Variants in CDK15 observed in about 807,000 individuals in gnomAD.
CDK15 encodes the protein cyclin dependent kinase 15, also known as cyclin-dependent kinase 15.
A neutral mutation model predicts 60.3 loss-of-function variants in CDK15; 62 were observed. The ratio of observed to expected loss-of-function variants is 1.03; its 90% CI spans 0.84 to 1.27. The LOEUF (loss-of-function observed/expected upper bound fraction) is 1.27. CDK15 is among the 50% of genes most tolerant of loss of function. CDK15 has a pLI of 0.00. For synonymous variants in CDK15, 194 were observed against 195.7 expected (o/e 0.99, Z 0.07); for missense variants, 541 against 527.8 (o/e 1.03, Z -0.25).
At chr2:201,876,800 CTTATT>C (rs1378971156) in intron 11 of CDK15, among the ~76,000 whole-genome samples, 2 of 152,164 alleles carry the variant, frequency 1.3e-5, no homozygotes, top group South Asian at 2.1e-4. Flanking sequence ...AAAACCTGTT[CTTATT>C]TTATTTTTTT....
chr2:201,885,764 C>T (rs1160784349), intron 12 of CDK15, among the ~76,000 whole-genome samples: 3 of 152,176 alleles, frequency 2.0e-5, no homozygotes, highest in African/African-American at 7.2e-5. Flanking sequence ...TTATTCCATA[C>T]CTTCATTATA....
Position 201,872,260 on chromosome 2 carries a change from C to A in CDK15, c.1010-18C>A, listed in dbSNP as rs2105817794. ...TCGGGTGGATTTTATTTTTTAACGC[C>A]CTCTGTATGCTTCCCAGAATGGTTC... On this transcript the variant is annotated intron_variant, in intron 10 of 13. Coordinates refer to ENST00000652192, the MANE Select transcript of CDK15 (RefSeq NM_001366386.2). 6.2e-7 allele frequency: 1 copy of A among 1,613,796 alleles called. No individual in the cohort carries two copies. Among genetic ancestry groups the A allele is most frequent in the South Asian group, 1.1e-5 (1 of 91,058 alleles).
chr2:201,864,070 G>A (rs1698511128), intron 10 of CDK15, among the ~76,000 whole-genome samples: 1 of 152,130 alleles, frequency 6.6e-6, no homozygotes, highest in Non-Finnish European at 1.5e-5. Context: ...TGAATGCTAG[G>A]TACTAGGGAC....
Position 201,833,804 on chromosome 2 carries a change from G to A in CDK15, c.607-44G>A, listed in dbSNP as rs185846952. 253 of 1,586,620 alleles carry A rather than the reference G, an allele frequency of 1.6e-4. No homozygotes were observed. The African/African-American group carries it at 3.0e-3, about 19-fold the overall frequency. On this transcript the variant is annotated intron_variant, in intron 6 of 13. Transcript: ENST00000652192. Reference sequence around the variant, plus strand: ...TTTGATTTAGAGGCGAAATCAGCACGTGGTGGCTCAAATCTCCTTATGGAT... The same window carrying A: ...TTTGATTTAGAGGCGAAATCAGCACATGGTGGCTCAAATCTCCTTATGGAT...
intron 12 of CDK15, among the ~76,000 whole-genome samples, chr2:201,883,207 A>G (rs1470776719): frequency 6.6e-6 from 1 of 152,228 alleles, no homozygotes; most frequent in Non-Finnish European, 1.5e-5. Flanking sequence ...TTGCAGGATA[A>G]CAGAGTTGTC....
In CDK15 at chr2:201,866,598, A is replaced by C. The variant is rs115842784; in HGVS notation, c.1010-5680A>C. ...ACTGCAGAGGGATGAGAAGGAGAAA[A>C]ATCAGGTCTAATGATTTACTCTTGT... On this transcript the variant is annotated intron_variant, in intron 10 of 13. Transcript: ENST00000652192. 4.2e-3 allele frequency among the ~76,000 whole-genome samples: 636 copies of C among 152,328 alleles called. 2 individuals are homozygous for C. The highest frequency in any genetic ancestry group is 0.015 in the African/African-American group (608 of 41,568).
At position 201,806,600 on chromosome 2, in the gene CDK15, CA is replaced by C; in HGVS notation, c.-63del. 1 of 1,482,778 alleles carries C rather than the reference CA, an allele frequency of 6.7e-7. No homozygotes were observed. The highest frequency in any genetic ancestry group is 9.0e-7 in the Non-Finnish European group (1 of 1,109,332). 91.9% of individuals were successfully genotyped at this position (1,482,778 alleles called of 1,614,324 possible). A position where few individuals can be genotyped will look rare whatever the true frequency, so the allele number is the denominator to read the frequency against. Reference sequence around the variant, plus strand: ...TGACCTCTGGCAAAAAGGGAGAGAACAAGGATAGGAGAGGCAGTGGGGGAAA... The same window carrying C: ...TGACCTCTGGCAAAAAGGGAGAGAACAGGATAGGAGAGGCAGTGGGGGAAA... On this transcript the variant is annotated 5_prime_UTR_variant, in exon 1 of 14. Transcript: ENST00000652192.
chr2:201,847,329 C>T (rs896667675), intron 8 of CDK15, 52 bp from the exon 9 acceptor site: 77 of 1,505,102 alleles, frequency 5.1e-5, no homozygotes, highest in African/African-American at 2.8e-5. Flanking sequence ...AGTTCAGTTT[C>T]GCTTGTATGA....
intron 3 of CDK15, among the ~76,000 whole-genome samples, chr2:201,811,128 C>T (rs569691112): frequency 8.1e-5 from 12 of 148,890 alleles, no homozygotes; most frequent in African/African-American, 2.5e-4. Context: ...CAGGCATGAG[C>T]CACTGCGCCT....
intron 9 of CDK15, 102 bp downstream of exon 9, chr2:201,847,576 A>G (rs1697726756): frequency 3.3e-6 from 3 of 901,734 alleles, no homozygotes; most frequent in Non-Finnish European, 5.3e-6. Context: ...GCTCTGAGAT[A>G]TTAAGCCCTA....
At chr2:201,873,680 C>T (rs749580718) in intron 11 of CDK15, among the ~76,000 whole-genome samples, 8 of 152,250 alleles carry the variant, frequency 5.3e-5, no homozygotes, top group African/African-American at 1.4e-4. Flanking sequence ...ATGGCCTCTG[C>T]GCCTTCCCTT....
At chr2:201,891,217 G>A (rs2105848479) in intron 13 of CDK15, among the ~76,000 whole-genome samples, 1 of 152,274 alleles carries the variant, frequency 6.6e-6, no homozygotes, top group South Asian at 2.1e-4. Context: ...TGACACAGGT[G>A]GGACGAAGGG....
At chr2:201,848,800 A>C (rs1326927895) in intron 9 of CDK15, among the ~76,000 whole-genome samples, 1 of 152,194 alleles carries the variant, frequency 6.6e-6, no homozygotes, top group Non-Finnish European at 1.5e-5. Flanking sequence ...CTTCTGGCTA[A>C]AATAAAATGT....
chr2:201,884,947 T>C (rs1699405381), intron 12 of CDK15, among the ~76,000 whole-genome samples: 1 of 152,166 alleles, frequency 6.6e-6, no homozygotes, highest in South Asian at 2.1e-4. Context: ...AATAAAGTGC[T>C]CTAAGTGTTT....
chr2:201,890,979 G>T, intron 13 of CDK15, 52 bp downstream of exon 13: 1 of 924,556 alleles, frequency 1.1e-6, no homozygotes, highest in Non-Finnish European at 1.7e-6. Flanking sequence ...AAAAGCAATT[G>T]GTGCCGGGTG....
At chr2:201,889,475 A>C in intron 12 of CDK15, 3 of 937,536 alleles carry the variant, frequency 3.2e-6, no homozygotes, top group Non-Finnish European at 3.8e-6. Flanking sequence ...TGCATATATT[A>C]TCTTCTTTAA....
At chr2:201,831,053 T>C (rs1696729278) in intron 6 of CDK15, among the ~76,000 whole-genome samples, 1 of 152,058 alleles carries the variant, frequency 6.6e-6, no homozygotes, top group South Asian at 2.1e-4. Context: ...AGAGGAGCAA[T>C]AGATATGAAG....
chr2:201,890,056 GAA>G (rs1163431033), intron 12 of CDK15, among the ~76,000 whole-genome samples: 1,551 of 96,138 alleles, frequency 0.016, 36 homozygotes, highest in African/African-American at 0.051. Flanking sequence ...CTCAAAAAAA[GAA>G]AAAAAAAAAA....
rs574644605 is a variant in CDK15 at position 201,812,681 on chromosome 2, T to G, written c.448+119T>G. ...ATTCTTCTGGAATACTATAATTACATTTTTATTTTTCATACAAGTTTTTCA... is the reference window on the plus strand; with the variant it reads ...ATTCTTCTGGAATACTATAATTACAGTTTTATTTTTCATACAAGTTTTTCA... On this transcript the variant is annotated intron_variant, in intron 4 of 13. Transcript: ENST00000652192. 1.0e-5 allele frequency: 5 copies of G among 487,816 alleles called. No individual in the cohort carries two copies. The South Asian group carries it at 2.3e-4, about 23-fold the overall frequency. 30.2% of individuals were successfully genotyped at this position (487,816 alleles called of 1,614,324 possible). A position where few individuals can be genotyped will look rare whatever the true frequency, so the allele number is the denominator to read the frequency against.
Sources: gnomAD v4.1 joint callset for allele counts (sites outside exome capture counted in the v4.1 genomes callset) on GRCh38, gnomAD v4.1.1 for gene constraint, MANE v1.5 for transcripts, NCBI Gene and HGNC (gene_info 2026-07-23, HGNC 2026-07-21) for gene names.